TP63: variants seen among roughly 807,000 people sequenced by gnomAD.
TP63 encodes the protein tumor protein 63.
Under a neutral mutation model 82.8 loss-of-function variants are expected in TP63, and 17 were observed. The ratio of observed to expected loss-of-function variants is 0.21; its 90% CI spans 0.14 to 0.31. TP63 has a LOEUF of 0.31. TP63 is among the 10% of genes least tolerant of loss of function. TP63 has a pLI of 1.00. For synonymous variants in TP63, 330 were observed against 321.7 expected, an observed-to-expected ratio of 1.03 and a Z score of -0.28; for missense variants, 648 against 895.3, an observed-to-expected ratio of 0.72 and a Z score of 3.52.
chr3:189,652,075 T>G lies in TP63; in HGVS notation c.62+20498T>G, dbSNP rs1404879035. The stretch of plus-strand genomic sequence containing the variant: ...GCAGAGTGGAAGGGAAATGTGGGGT[T>G]GGAGCTCCCACACAACATCTTCACT... On this transcript the variant is annotated intron_variant, in intron 1 of 13. Transcript: ENST00000264731. Among the ~76,000 whole-genome samples, 4 of 146,340 alleles carry G rather than the reference T, an allele frequency of 2.7e-5. 1 individual carries two copies. The highest frequency in any genetic ancestry group is 4.5e-5 in the Non-Finnish European group (3 of 67,138).
At chr3:189,843,112 A>T (rs1714367909) in intron 4 of TP63, among the ~76,000 whole-genome samples, 1 of 152,214 alleles carries the variant, frequency 6.6e-6, no homozygotes, top group Non-Finnish European at 1.5e-5. Context: ...GGGTGCCAAC[A>T]TGCTGCCCTT....
intron 3 of TP63, among the ~76,000 whole-genome samples, chr3:189,755,521 C>T (rs1046681652): frequency 6.6e-6 from 1 of 151,960 alleles, no homozygotes; most frequent in Admixed American, 6.6e-5. Flanking sequence ...TACTAATCTT[C>T]AAAACTTAAA....
intron 3 of TP63, among the ~76,000 whole-genome samples, chr3:189,782,091 CTT>C (rs1373191315): frequency 6.6e-6 from 1 of 152,086 alleles, no homozygotes; most frequent in Non-Finnish European, 1.5e-5. Context: ...ATTCATGACT[CTT>C]AGAACAGTGC....
At chr3:189,670,022 T>C (rs1354422030) in intron 1 of TP63, among the ~76,000 whole-genome samples, 1 of 151,822 alleles carries the variant, frequency 6.6e-6, no homozygotes, top group Non-Finnish European at 1.5e-5. Flanking sequence ...ATATAAACTA[T>C]ATTAATAAGA....
chr3:189,609,178 A>G, the TP63 span, among the ~76,000 whole-genome samples: 1 of 152,152 alleles, frequency 6.6e-6, no homozygotes, highest in African/African-American at 2.4e-5. Flanking sequence ...ATCTCTTTGA[A>G]TCTCCTTTTA....
At chr3:189,844,589 T>C (rs1714616220) in intron 4 of TP63, among the ~76,000 whole-genome samples, 1 of 152,194 alleles carries the variant, frequency 6.6e-6, no homozygotes, top group Non-Finnish European at 1.5e-5. Flanking sequence ...GCCAACACTT[T>C]TTAAACATTA....
chr3:189,625,986 T>G, the TP63 span, among the ~76,000 whole-genome samples: 1 of 152,196 alleles, frequency 6.6e-6, no homozygotes, highest in Non-Finnish European at 1.5e-5. Context: ...AGGCATCTTC[T>G]TGACATTAAC....
At chr3:189,716,956 A>C (rs1719011147) in intron 1 of TP63, among the ~76,000 whole-genome samples, 1 of 152,000 alleles carries the variant, frequency 6.6e-6, no homozygotes, top group African/African-American at 2.4e-5. Context: ...TTGCCACCGC[A>C]CCCAGCTAAT....
chr3:189,695,066 T>C (rs112081962), intron 1 of TP63, among the ~76,000 whole-genome samples: 2,295 of 152,030 alleles, frequency 0.015, 49 homozygotes, highest in African/African-American at 0.053. Flanking sequence ...CAGCCTATTC[T>C]TTAAGAGTGG....
intron 1 of TP63, among the ~76,000 whole-genome samples, chr3:189,672,498 G>A (rs1714975370): frequency 6.6e-6 from 1 of 151,856 alleles, no homozygotes; most frequent in African/African-American, 2.4e-5. Context: ...GCTACTAGGG[G>A]AGCTGAGATG....
At chr3:189,636,685 C>G (rs1290641917) in intron 1 of TP63, among the ~76,000 whole-genome samples, 2 of 152,066 alleles carry the variant, frequency 1.3e-5, no homozygotes, top group African/African-American at 4.8e-5. Flanking sequence ...TAAATGTGAG[C>G]TACACATGTA....
the TP63 span, among the ~76,000 whole-genome samples, chr3:189,620,506 C>CAAAAAAAAAACAA: frequency 1.9e-4 from 13 of 69,006 alleles, no homozygotes; most frequent in African/African-American, 7.2e-4. Context: ...AAGACTCCAT[C>CAAAAAAAAAACAA]AAAAAAAAAA....
At chr3:189,660,990 G>A (rs550328159) in intron 1 of TP63, among the ~76,000 whole-genome samples, 7 of 151,890 alleles carry the variant, frequency 4.6e-5, no homozygotes, top group Non-Finnish European at 1.0e-4. Context: ...GGAGTCTTTC[G>A]GGTTTTCTAG....
intron 3 of TP63, among the ~76,000 whole-genome samples, chr3:189,771,719 A>G: frequency 6.6e-6 from 1 of 151,924 alleles, no homozygotes; most frequent in Non-Finnish European, 1.5e-5. Context: ...TTGCTCAGTT[A>G]TCTGAGAGTG....
chr3:189,780,824 C>T (rs1724174531), intron 3 of TP63, among the ~76,000 whole-genome samples: 1 of 152,208 alleles, frequency 6.6e-6, no homozygotes, highest in Non-Finnish European at 1.5e-5. Context: ...CACCTCTCTG[C>T]TGGCGGTGAC....
intron 4 of TP63, among the ~76,000 whole-genome samples, chr3:189,811,905 C>T (rs1164292672): frequency 6.6e-6 from 1 of 152,144 alleles, no homozygotes; most frequent in Non-Finnish European, 1.5e-5. Flanking sequence ...CTCTTATGTC[C>T]CAGAGTCCAA....
In TP63 at chr3:189,645,309, T is replaced by C; in HGVS notation, c.62+13732T>C. The C allele has an allele frequency of 8.0e-6, 4 of 497,604 alleles. No individual in the cohort carries two copies. The South Asian group carries it at 8.9e-5, about 11-fold the overall frequency. 30.8% of individuals were successfully genotyped at this position (497,604 alleles called of 1,614,324 possible). On this transcript the variant is annotated intron_variant, in intron 1 of 13. Coordinates refer to ENST00000264731, the MANE Select transcript of TP63 (RefSeq NM_003722.5). ...CTTTGGTCTCTTGAACTGCCCTTCT[T>C]TGGTTCCTTTTCCACTTTCAGATCT...
rs756520524 is a variant in TP63 at position 189,872,885 on chromosome 3, G to A, written c.1239G>A (p.Met413Ile). The change falls in exon 10 of 14, where the codon ATG becomes ATA. Residue 413 changes from methionine to isoleucine, a missense_variant. Coordinates refer to ENST00000264731, the MANE Select transcript of TP63 (RefSeq NM_003722.5). ...LPVRGRETYE[M>I]LLKIKESLEL... Reference sequence around the variant, plus strand: ...TGAGGGGCCGTGAGACTTATGAAATGCTGTTGAAGATCAAAGAGTCCCTGG... The same window carrying A: ...TGAGGGGCCGTGAGACTTATGAAATACTGTTGAAGATCAAAGAGTCCCTGG... The A allele has an allele frequency of 1.2e-6, 2 of 1,614,100 alleles. No homozygotes were observed. Among genetic ancestry groups the A allele is most frequent in the East Asian group, 4.5e-5 (2 of 44,880 alleles).
intron 4 of TP63, 138 bp from the exon 5 acceptor site, chr3:189,864,094 C>T: frequency 9.2e-7 from 1 of 1,083,044 alleles, no homozygotes; most frequent in Non-Finnish European, 1.4e-6. Context: ...ACATACGTCA[C>T]ATCTATAGTA....
Sources: allele counts gnomAD v4.1 joint callset (sites outside exome capture counted in the v4.1 genomes callset), GRCh38; gene constraint gnomAD v4.1.1; transcripts MANE v1.5; gene names NCBI Gene and HGNC (gene_info 2026-07-23, HGNC 2026-07-21).